The following CASTOR2 variants were observed in gnomAD, a reference collection of about 807,000 sequenced individuals.
CASTOR2 encodes GATS protein like 2.
In CASTOR2, 8 loss-of-function variants were observed where a neutral mutation model predicts 31.2. That is an observed-to-expected ratio of 0.26 (90% CI 0.15 to 0.46). The LOEUF is 0.46. CASTOR2 is among the 20% of genes least tolerant of loss of function. CASTOR2 has a pLI of 0.99. For missense variants in CASTOR2, 216 were observed against 382.1 expected, an observed-to-expected ratio of 0.57 and a Z score of 3.62; for synonymous variants, 162 against 158.7, an observed-to-expected ratio of 1.02 and a Z score of -0.16.
rs1805272721 is a variant in CASTOR2 at position 75,030,520 on chromosome 7, G to A, written c.*5821G>A. On this transcript the variant is annotated 3_prime_UTR_variant, in exon 9 of 9. Transcript: ENST00000616305. Reference sequence around the variant, plus strand: ...AACAGTTTGAGCAGTTCTGGCTCAGGGTCATTCATGAGGTTGCTGTTGTCT... The same window carrying A: ...AACAGTTTGAGCAGTTCTGGCTCAGAGTCATTCATGAGGTTGCTGTTGTCT... Among the ~76,000 whole-genome samples the A allele has an allele frequency of 6.6e-6, 1 of 152,122 alleles. No individual in the cohort carries two copies. Among genetic ancestry groups the A allele is most frequent in the Non-Finnish European group, 1.5e-5 (1 of 68,036 alleles).
intron 1 of CASTOR2, among the ~76,000 whole-genome samples, chr7:74,979,228 T>TG (rs1803895394): frequency 6.8e-6 from 1 of 146,256 alleles, no homozygotes; most frequent in African/African-American, 2.5e-5. Flanking sequence ...AAGAGGTACA[T>TG]GTGGATGTTT....
chr7:74,995,204 C>G (rs1554437775), intron 1 of CASTOR2, among the ~76,000 whole-genome samples: 1 of 151,984 alleles, frequency 6.6e-6, no homozygotes, highest in Non-Finnish European at 1.5e-5. Flanking sequence ...TGAAGGAAGA[C>G]TCTTTTTTTT....
intron 7 of CASTOR2, 72 bp downstream of exon 7, chr7:75,022,028 G>A (rs887244659): frequency 4.4e-5 from 67 of 1,524,116 alleles, no homozygotes; most frequent in East Asian, 2.7e-4. Context: ...TACGTTGTCC[G>A]CAGTGACTCG....
Position 75,029,085 on chromosome 7 carries a change from G to A in CASTOR2, c.*4386G>A. 6.6e-6 allele frequency among the ~76,000 whole-genome samples: 1 copy of A among 152,238 alleles called. No homozygotes were observed. Among genetic ancestry groups the A allele is most frequent in the East Asian group, 1.9e-4 (1 of 5,198 alleles). On this transcript the variant is annotated 3_prime_UTR_variant, in exon 9 of 9. Transcript: ENST00000616305. ...CTCTGAGGTGACAGAGGATGCCCTG[G>A]AGGTCAGGAGAGAAGACTGGGAAGA...
At chr7:74,990,126 C>T (rs1274397352) in intron 1 of CASTOR2, among the ~76,000 whole-genome samples, 9 of 152,074 alleles carry the variant, frequency 5.9e-5, no homozygotes, top group African/African-American at 1.7e-4. Flanking sequence ...CGGTGGCTCA[C>T]TCCTGTCATC....
At chr7:75,009,548 G>A (rs1554439138) in intron 2 of CASTOR2, among the ~76,000 whole-genome samples, 25 of 152,040 alleles carry the variant, frequency 1.6e-4, no homozygotes, top group South Asian at 1.0e-3. Flanking sequence ...GATTACAGGC[G>A]TGAGCCACCG....
intron 7 of CASTOR2, 37 bp from the exon 8 acceptor site, chr7:75,024,403 G>C (rs1415467460): frequency 3.0e-5 from 46 of 1,549,000 alleles, no homozygotes; most frequent in Non-Finnish European, 3.8e-5. Flanking sequence ...GGGTAGCCAG[G>C]TTACACAGAG....
At chr7:75,003,263 A>G (rs1209246038) in intron 1 of CASTOR2, among the ~76,000 whole-genome samples, 2 of 152,132 alleles carry the variant, frequency 1.3e-5, no homozygotes, top group African/African-American at 4.8e-5. Context: ...TCGGGGCAAC[A>G]TAGTGAGACC....
In CASTOR2 at chr7:75,027,799, T is replaced by C; in HGVS notation, c.*3100T>C. The stretch of plus-strand genomic sequence containing the variant: ...CTTGGTTTATCTTCTCGGCGTTCTG[T>C]GTGTAGCGTAGTCTTGGTTTGGTCT... On this transcript the variant is annotated 3_prime_UTR_variant, in exon 9 of 9. Coordinates refer to ENST00000616305, the MANE Select transcript of CASTOR2 (RefSeq NM_001145064.3). 1 of 581,666 alleles carries C rather than the reference T, an allele frequency of 1.7e-6. No homozygotes were observed. Among genetic ancestry groups the C allele is most frequent in the Non-Finnish European group, 3.1e-6 (1 of 326,612 alleles). 36.0% of individuals were successfully genotyped at this position (581,666 alleles called of 1,614,324 possible). A position where few individuals can be genotyped will look rare whatever the true frequency, so the allele number is the denominator to read the frequency against.
chr7:74,978,386 GA>G (rs1803875752), intron 1 of CASTOR2, among the ~76,000 whole-genome samples: 1 of 124,358 alleles, frequency 8.0e-6, no homozygotes, highest in African/African-American at 3.1e-5. Context: ...TAACAGGCAT[GA>G]GCCACCGCGC....
chr7:75,022,816 T>G (rs982331745), intron 7 of CASTOR2, among the ~76,000 whole-genome samples: 46 of 151,848 alleles, frequency 3.0e-4, no homozygotes, highest in Non-Finnish European at 5.7e-4. Context: ...AATAATAAAT[T>G]TAATTTAAAA....
In CASTOR2 at chr7:75,026,188, G is replaced by GTTTTTTT. The variant is rs1178084776; in HGVS notation, c.*1489_*1490insTTTTTTT. Among the ~76,000 whole-genome samples the GTTTTTTT allele has an allele frequency of 1.3e-3, 143 of 113,242 alleles. 9 individuals are homozygous for GTTTTTTT. Among genetic ancestry groups the GTTTTTTT allele is most frequent in the South Asian group, 9.3e-3 (33 of 3,542 alleles). The allele number at this position is 113,242 out of a possible 152,430, so 74.3% of individuals were successfully genotyped here. On this transcript the variant is annotated 3_prime_UTR_variant, in exon 9 of 9. Coordinates refer to ENST00000616305, the MANE Select transcript of CASTOR2 (RefSeq NM_001145064.3). ...CCCCTGTGGTTTTGGCTCTGGCGGG[G>GTTTTTTT]GTTTTTTTTTTTTTTTTTGAGATGG...
intron 1 of CASTOR2, among the ~76,000 whole-genome samples, chr7:74,987,008 A>T (rs1211790010): frequency 6.6e-6 from 1 of 152,214 alleles, no homozygotes; most frequent in Non-Finnish European, 1.5e-5. Context: ...AGTGCACTCC[A>T]CCGTGGGCGA....
At chr7:74,983,311 C>T (rs1242167121) in intron 1 of CASTOR2, among the ~76,000 whole-genome samples, 1 of 151,122 alleles carries the variant, frequency 6.6e-6, no homozygotes, top group East Asian at 1.9e-4. Flanking sequence ...TATGCCCGGC[C>T]ACATTTCTTT....
At chr7:75,001,764 T>C (rs1203537957) in intron 1 of CASTOR2, among the ~76,000 whole-genome samples, 8 of 152,230 alleles carry the variant, frequency 5.3e-5, no homozygotes, top group Non-Finnish European at 1.0e-4. Context: ...CTGTCCTTGC[T>C]TCTGAGAGCT....
At chr7:74,993,405 A>G (rs1804258477) in intron 1 of CASTOR2, among the ~76,000 whole-genome samples, 2 of 143,274 alleles carry the variant, frequency 1.4e-5, no homozygotes, top group Admixed American at 1.4e-4. Flanking sequence ...TCCGTGCCCC[A>G]CCTCTACATC....
intron 2 of CASTOR2, among the ~76,000 whole-genome samples, chr7:75,011,985 AAAC>A (rs1485968500): frequency 1.3e-5 from 2 of 152,026 alleles, no homozygotes; most frequent in Non-Finnish European, 2.9e-5. Flanking sequence ...GAAAAAAAAA[AAAC>A]AAGAGTAAAG....
rs1269035619 is a variant in CASTOR2 at position 75,029,234 on chromosome 7, C to T, written c.*4535C>T. On this transcript the variant is annotated 3_prime_UTR_variant, in exon 9 of 9. Transcript: ENST00000616305. ...ATTTTCCAGGGATACCCTGGGGAGTCCTAAGGCCACCCTGGGCCCCTTTCT... is the reference window on the plus strand; with the variant it reads ...ATTTTCCAGGGATACCCTGGGGAGTTCTAAGGCCACCCTGGGCCCCTTTCT... 6.6e-6 allele frequency among the ~76,000 whole-genome samples: 1 copy of T among 152,200 alleles called. No individual in the cohort carries two copies. Among genetic ancestry groups the T allele is most frequent in the Admixed American group, 6.5e-5 (1 of 15,286 alleles).
chr7:74,993,445 CTTTTTTTT>C (rs1156811360), intron 1 of CASTOR2, among the ~76,000 whole-genome samples: 1 of 77,628 alleles, frequency 1.3e-5, no homozygotes, highest in Non-Finnish European at 2.5e-5. Flanking sequence ...CCTCCTTTGT[CTTTTTTTT>C]TTTTTTTTTT....
Sources: gnomAD v4.1 joint callset for allele counts (sites outside exome capture counted in the v4.1 genomes callset) on GRCh38, gnomAD v4.1.1 for gene constraint, MANE v1.5 for transcripts, NCBI Gene and HGNC (gene_info 2026-07-23, HGNC 2026-07-21) for gene names.